The following UBE3A variants were observed in gnomAD, a reference collection of about 807,000 sequenced individuals.
UBE3A encodes ubiquitin protein ligase E3A.
UBE3A carries 6 observed loss-of-function variants against 83.4 expected under a neutral mutation model. The ratio of observed to expected loss-of-function variants is 0.07; its 90% CI spans 0.04 to 0.14. The LOEUF (loss-of-function observed/expected upper bound fraction) is 0.14. UBE3A is among the 10% of genes least tolerant of loss of function. The pLI is 1.00. For synonymous variants in UBE3A, 337 were observed against 355.4 expected (o/e 0.95, Z 0.58); for missense variants, 456 against 1,036.1 (o/e 0.44, Z 7.69).
chr15:25,386,454 A>G (rs1483166036), intron 4 of UBE3A, among the ~76,000 whole-genome samples: 1 of 152,240 alleles, frequency 6.6e-6, no homozygotes, highest in Non-Finnish European at 1.5e-5. Flanking sequence ...CGAACTGAGT[A>G]AACAACATGT....
At chr15:25,384,041 A>T (rs1595945722) in intron 4 of UBE3A, among the ~76,000 whole-genome samples, 1 of 152,350 alleles carries the variant, frequency 6.6e-6, no homozygotes, top group East Asian at 1.9e-4. Flanking sequence ...TGCATTTCTA[A>T]ATACTAAAAA....
intron 11 of UBE3A, among the ~76,000 whole-genome samples, chr15:25,342,912 T>C (rs1248593930): frequency 6.6e-6 from 1 of 152,018 alleles, no homozygotes; most frequent in Non-Finnish European, 1.5e-5. Context: ...GGTCCAGCAA[T>C]GGCAGGCTCA....
At position 25,355,999 on chromosome 15, in the gene UBE3A, T is replaced by C. The variant is rs1305081197; in HGVS notation, c.2017A>G (p.Met673Val). 6.2e-7 allele frequency: 1 copy of C among 1,613,674 alleles called. No homozygotes were observed. Among genetic ancestry groups the C allele is most frequent in the Non-Finnish European group, 8.5e-7 (1 of 1,179,812 alleles). Residue 673 changes from methionine (M) to valine (V), a missense_variant, in exon 9 of 13, where the codon ATG becomes GTG. Met to Val is a conservative substitution (Grantham distance 21). Coordinates refer to ENST00000648336, the MANE Select transcript of UBE3A (RefSeq NM_130839.5). ...TGTGATATCTGGAAAGTGATCATCA[T>C]GTCATCTTCCACATTCCCTTCATAC... Reference protein sequence around the residue: ...LEYEGNVEDDMMITFQISQTD... With the variant: ...LEYEGNVEDDVMITFQISQTD...
At chr15:25,345,553 A>T (rs1263765116) in intron 11 of UBE3A, 2 of 131,992 alleles carry the variant, frequency 1.5e-5, no homozygotes, top group Non-Finnish European at 3.3e-5. Flanking sequence ...CAAGTATGAG[A>T]AACTCATTTC....
intron 4 of UBE3A, among the ~76,000 whole-genome samples, chr15:25,396,748 G>A (rs888089633): frequency 1.1e-4 from 16 of 151,956 alleles, no homozygotes; most frequent in Admixed American, 6.6e-4. Flanking sequence ...ACAAAATGGT[G>A]TCCAGTTGTT....
chr15:25,348,092 C>T (rs776242725), intron 11 of UBE3A, among the ~76,000 whole-genome samples: 7 of 151,114 alleles, frequency 4.6e-5, no homozygotes, highest in South Asian at 2.1e-4. Context: ...CAAAGAAAAT[C>T]GCAAAACAGA....
At chr15:25,396,891 G>A (rs2085703457) in intron 4 of UBE3A, among the ~76,000 whole-genome samples, 1 of 152,062 alleles carries the variant, frequency 6.6e-6, no homozygotes, top group South Asian at 2.1e-4. Flanking sequence ...TATTTAAGAT[G>A]CATTCAAGGC....
At chr15:25,401,664 T>G (rs1173439270) in intron 4 of UBE3A, among the ~76,000 whole-genome samples, 1 of 152,214 alleles carries the variant, frequency 6.6e-6, no homozygotes, top group African/African-American at 2.4e-5. Flanking sequence ...CATTTCTGAT[T>G]TAACTTGAGT....
chr15:25,414,809 C>A (rs1319623764), intron 1 of UBE3A, among the ~76,000 whole-genome samples: 2 of 152,164 alleles, frequency 1.3e-5, no homozygotes, highest in Admixed American at 6.5e-5. Context: ...CAGAATAAAG[C>A]CAAAGCTCCC....
intron 6 of UBE3A, among the ~76,000 whole-genome samples, chr15:25,368,463 G>A (rs2079703829): frequency 6.6e-6 from 1 of 152,040 alleles, no homozygotes; most frequent in South Asian, 2.1e-4. Context: ...AGCATTCAGA[G>A]CCCCTAAGGA....
chr15:25,339,331 A>AT, intron 12 of UBE3A, 74 bp from the exon 13 acceptor site: 6 of 1,563,526 alleles, frequency 3.8e-6, no homozygotes, highest in Non-Finnish European at 5.2e-6. Flanking sequence ...AAATGCTCCT[A>AT]TTTTTAGATT....
At chr15:25,417,442 C>CAA (rs1235075401) in intron 1 of UBE3A, among the ~76,000 whole-genome samples, 2 of 151,626 alleles carry the variant, frequency 1.3e-5, no homozygotes, top group African/African-American at 4.8e-5. Context: ...ATGTAAAAAA[C>CAA]AAAAAATAAA....
chr15:25,387,248 G>A (rs2083320983), intron 4 of UBE3A, among the ~76,000 whole-genome samples: 1 of 152,210 alleles, frequency 6.6e-6, no homozygotes, highest in African/African-American at 2.4e-5. Flanking sequence ...TAGGCCGGGC[G>A]CTGTGGCTCA....
At chr15:25,350,510 A>G (rs1484964165) in intron 11 of UBE3A, among the ~76,000 whole-genome samples, 2 of 152,208 alleles carry the variant, frequency 1.3e-5, no homozygotes, top group East Asian at 3.8e-4. Flanking sequence ...TCTATAGTCA[A>G]TAGAAATACA....
At chr15:25,436,209 C>T (rs909323117) in intron 1 of UBE3A, among the ~76,000 whole-genome samples, 1 of 152,268 alleles carries the variant, frequency 6.6e-6, no homozygotes, top group African/African-American at 2.4e-5. Context: ...ATAAAAAGAG[C>T]ACCTAAGACT....
In UBE3A at chr15:25,338,177, A is replaced by T. The variant is rs553784817; in HGVS notation, c.*960T>A. 6 of 152,256 alleles carry T rather than the reference A, an allele frequency of 3.9e-5. No homozygotes were observed. In the East Asian group the frequency reaches 1.2e-3, roughly 29 times the overall value. The allele number at this position is 152,256 out of a possible 1,614,324, so 9.4% of individuals were successfully genotyped here. A position where few individuals can be genotyped will look rare whatever the true frequency, so the allele number is the denominator to read the frequency against. The stretch of plus-strand genomic sequence containing the variant: ...TTAAAATCTAGGTAATAAGTAAGTA[A>T]TTAATAAAAACTCTATCTTAAGTGC... On this transcript the variant is annotated 3_prime_UTR_variant, in exon 13 of 13. Coordinates refer to ENST00000648336, the MANE Select transcript of UBE3A (RefSeq NM_130839.5).
chr15:25,436,475 A>G (rs1596545190), intron 1 of UBE3A, among the ~76,000 whole-genome samples: 1 of 152,222 alleles, frequency 6.6e-6, no homozygotes, highest in East Asian at 1.9e-4. Flanking sequence ...TATGACCTAT[A>G]AATCTGGATC....
In UBE3A at chr15:25,408,748, A is replaced by G. The variant is rs2089296976; in HGVS notation, c.20+340T>C. The G allele has an allele frequency of 3.7e-6, 5 of 1,364,826 alleles. No homozygotes were observed. The East Asian group carries it at 1.2e-4, about 32-fold the overall frequency. The allele number at this position is 1,364,826 out of a possible 1,614,324, so 84.5% of individuals were successfully genotyped here. A position where few individuals can be genotyped will look rare whatever the true frequency, so the allele number is the denominator to read the frequency against. On this transcript the variant is annotated intron_variant, in intron 3 of 12. Transcript: ENST00000648336. The stretch of plus-strand genomic sequence containing the variant: ...AAAACTTCTAGAGAAATGTTTAGTT[A>G]AAACGTTCACCACATAAAAGGCATA...
At chr15:25,356,971 TTAAAA>T (rs1460656311) in intron 7 of UBE3A, 75 bp from the exon 8 acceptor site, 9 of 1,238,164 alleles carry the variant, frequency 7.3e-6, no homozygotes, top group African/African-American at 6.1e-5. Flanking sequence ...AAATATAAAC[TTAAAA>T]TAATTATGCA....
Sources: allele counts gnomAD v4.1 joint callset (sites outside exome capture counted in the v4.1 genomes callset), GRCh38; gene constraint gnomAD v4.1.1; transcripts MANE v1.5; gene names NCBI Gene and HGNC (gene_info 2026-07-23, HGNC 2026-07-21).